The following TBC1D19 variants were observed in gnomAD, a reference collection of about 807,000 sequenced individuals.
The protein encoded by TBC1D19 is TBC1 domain family member 19.
In TBC1D19, 60 loss-of-function variants were observed where a neutral mutation model predicts 89.0. That is an observed-to-expected ratio of 0.67 (90% confidence interval 0.55 to 0.84). The LOEUF (loss-of-function observed/expected upper bound fraction) is 0.84, where lower values mean the gene tolerates loss of function less well. TBC1D19 is among the 40% of genes least tolerant of loss of function. The pLI is 0.00. For missense variants in TBC1D19, 500 were observed against 610.8 expected, an observed-to-expected ratio of 0.82 and a Z score of 1.91; for synonymous variants, 189 against 199.7, an observed-to-expected ratio of 0.95 and a Z score of 0.45.
chr4:26,858,416 G>C, the TBC1D19 span: 2 of 152,518 alleles, frequency 1.3e-5, no homozygotes, highest in East Asian at 3.8e-4. Flanking sequence ...AGGAGAGAAA[G>C]CTTTGGGGTG....
chr4:26,607,162 C>T (rs980884562), intron 1 of TBC1D19, among the ~76,000 whole-genome samples: 2 of 152,140 alleles, frequency 1.3e-5, no homozygotes, highest in African/African-American at 4.8e-5. Flanking sequence ...CACAAATGTA[C>T]TGTACCCTCT....
chr4:26,679,261 G>A (rs1713118809), intron 11 of TBC1D19, among the ~76,000 whole-genome samples: 1 of 152,132 alleles, frequency 6.6e-6, no homozygotes, highest in Non-Finnish European at 1.5e-5. Context: ...CCCCTGCTCT[G>A]TGCAGCCTCA....
chr4:26,775,944 G>A, the TBC1D19 span, among the ~76,000 whole-genome samples: 3 of 152,010 alleles, frequency 2.0e-5, no homozygotes, highest in Admixed American at 6.6e-5. Context: ...TCCTTATTGA[G>A]GTTCAAGGTT....
At chr4:26,767,793 C>A in the TBC1D19 span, among the ~76,000 whole-genome samples, 1 of 152,132 alleles carries the variant, frequency 6.6e-6, no homozygotes, top group Non-Finnish European at 1.5e-5. Flanking sequence ...ACCCATTTAC[C>A]CTTCATCTGA....
chr4:26,695,320 A>T (rs1237521879), intron 13 of TBC1D19, among the ~76,000 whole-genome samples: 1 of 152,262 alleles, frequency 6.6e-6, no homozygotes, highest in Non-Finnish European at 1.5e-5. Context: ...AAGAATAAAA[A>T]GAAATGTCAA....
At chr4:26,793,460 C>T in the TBC1D19 span, among the ~76,000 whole-genome samples, 1 of 152,182 alleles carries the variant, frequency 6.6e-6, no homozygotes, top group South Asian at 2.1e-4. Flanking sequence ...CACAGTGGCT[C>T]ATGCCTGTAA....
chr4:26,741,069 T>C (rs548816692), intron 17 of TBC1D19: 6 of 796,416 alleles, frequency 7.5e-6, no homozygotes, highest in Non-Finnish European at 9.1e-6. Context: ...TTAATAATTC[T>C]TTTCTGGCCG....
At chr4:26,731,259 C>A (rs1041620932) in intron 15 of TBC1D19, among the ~76,000 whole-genome samples, 3 of 152,032 alleles carry the variant, frequency 2.0e-5, no homozygotes, top group Non-Finnish European at 4.4e-5. Context: ...AGGAGTAGGG[C>A]AGGGACAGGG....
intron 13 of TBC1D19, among the ~76,000 whole-genome samples, chr4:26,710,724 A>G (rs1716122042): frequency 1.3e-5 from 2 of 152,126 alleles, no homozygotes. Context: ...TCCTCATTCT[A>G]ACTGGTGTGA....
chr4:26,693,882 G>T (rs1714521863), intron 13 of TBC1D19, among the ~76,000 whole-genome samples: 1 of 152,142 alleles, frequency 6.6e-6, no homozygotes, highest in South Asian at 2.1e-4. Flanking sequence ...AAGAATCAGT[G>T]AACTTGGAAG....
chr4:26,800,329 A>G, the TBC1D19 span, among the ~76,000 whole-genome samples: 8 of 152,236 alleles, frequency 5.3e-5, no homozygotes, highest in African/African-American at 9.6e-5. Flanking sequence ...TACAAAGGAC[A>G]TGAACTCATC....
chr4:26,792,633 T>C, the TBC1D19 span, among the ~76,000 whole-genome samples: 1 of 151,284 alleles, frequency 6.6e-6, no homozygotes, highest in South Asian at 2.1e-4. Flanking sequence ...TTCTTTGAAG[T>C]CTTAAAGATG....
At chr4:26,842,837 A>G in the TBC1D19 span, among the ~76,000 whole-genome samples, 4 of 151,956 alleles carry the variant, frequency 2.6e-5, no homozygotes, top group Non-Finnish European at 5.9e-5. Context: ...ATGAAATATC[A>G]TCTCGACACA....
chr4:26,826,741 A>G, the TBC1D19 span, among the ~76,000 whole-genome samples: 1 of 152,220 alleles, frequency 6.6e-6, no homozygotes, highest in African/African-American at 2.4e-5. Context: ...AGGAAAGACT[A>G]CTGTTTTAAC....
chr4:26,612,816 C>A (rs1741461756), intron 1 of TBC1D19, among the ~76,000 whole-genome samples: 1 of 151,802 alleles, frequency 6.6e-6, no homozygotes, highest in Non-Finnish European at 1.5e-5. Flanking sequence ...GATACAGGTG[C>A]CATATATATT....
chr4:26,590,050 C>T (rs538111939), intron 1 of TBC1D19, among the ~76,000 whole-genome samples: 6 of 152,122 alleles, frequency 3.9e-5, no homozygotes, highest in Non-Finnish European at 7.4e-5. Context: ...TATTCCAAAC[C>T]GACACACTAG....
chr4:26,696,671 G>A (rs1714814295), intron 13 of TBC1D19, among the ~76,000 whole-genome samples: 2 of 152,202 alleles, frequency 1.3e-5, no homozygotes, highest in Admixed American at 1.3e-4. Context: ...TCAGACCACA[G>A]TGCAATCAAA....
At chr4:26,723,316 A>C (rs1717093843) in intron 15 of TBC1D19, among the ~76,000 whole-genome samples, 1 of 151,690 alleles carries the variant, frequency 6.6e-6, no homozygotes. Context: ...TATATTACCC[A>C]CCCTGTTTTG....
the TBC1D19 span, among the ~76,000 whole-genome samples, chr4:26,790,239 G>A: frequency 6.6e-6 from 1 of 152,150 alleles, no homozygotes; most frequent in Non-Finnish European, 1.5e-5. Flanking sequence ...GCTGGCTGAG[G>A]TTACTTCAGA....
Sources: gnomAD v4.1 joint callset for allele counts (sites outside exome capture counted in the v4.1 genomes callset) on GRCh38, gnomAD v4.1.1 for gene constraint, MANE v1.5 for transcripts, NCBI Gene and HGNC (gene_info 2026-07-23, HGNC 2026-07-21) for gene names.